Variants in BEND4 observed in about 807,000 individuals in gnomAD.
BEND4 encodes the protein BEN domain containing 4, also known as BEN domain-containing protein 4.
Under a neutral mutation model 54.7 loss-of-function variants are expected in BEND4, and 27 were observed. The ratio of observed to expected loss-of-function variants is 0.49; its 90% CI spans 0.36 to 0.68. The LOEUF (loss-of-function observed/expected upper bound fraction) is 0.68, where lower values mean the gene tolerates loss of function less well. Among genes scored for constraint, BEND4 ranks in the 30% least tolerant of loss-of-function variants. The pLI is 0.00. For synonymous variants in BEND4, 327 were observed against 299.5 expected, an observed-to-expected ratio of 1.09 and a Z score of -0.95; for missense variants, 702 against 697.2, an observed-to-expected ratio of 1.01 and a Z score of -0.08.
intron 4 of BEND4, among the ~76,000 whole-genome samples, chr4:42,124,463 T>G (rs1410165426): frequency 6.6e-6 from 1 of 152,084 alleles, no homozygotes; most frequent in Non-Finnish European, 1.5e-5. Context: ...GAAAAACTCA[T>G]GAAGGCGTCA....
intron 4 of BEND4, among the ~76,000 whole-genome samples, 185 bp downstream of exon 4, chr4:42,125,398 G>T (rs1560576670): frequency 6.6e-6 from 1 of 152,174 alleles, no homozygotes; most frequent in African/African-American, 2.4e-5. Flanking sequence ...ACATGCAGCT[G>T]AATCTCTGTA....
At position 42,117,508 on chromosome 4, in the gene BEND4, A is replaced by C. The variant is rs766943011; in HGVS notation, c.*10T>G. ...GAGGACCAGCTGCTACAACAGGAAGATTCTGTCCACTAATCCCCAGATCCA... is the reference window on the plus strand; with the variant it reads ...GAGGACCAGCTGCTACAACAGGAAGCTTCTGTCCACTAATCCCCAGATCCA... On this transcript the variant is annotated 3_prime_UTR_variant, in exon 6 of 6. Coordinates refer to ENST00000502486, the MANE Select transcript of BEND4 (RefSeq NM_207406.4). The C allele has an allele frequency of 1.0e-5, 16 of 1,591,146 alleles. No individual in the cohort carries two copies. In the African/African-American group the frequency reaches 1.6e-4, roughly 16 times the overall value.
At chr4:42,141,387 A>G (rs957026444) in intron 3 of BEND4, among the ~76,000 whole-genome samples, 1 of 152,228 alleles carries the variant, frequency 6.6e-6, no homozygotes, top group African/African-American at 2.4e-5. Context: ...CCTTCTTTCT[A>G]GATCAGCTGC....
chr4:42,152,292 G>GCCC lies in BEND4; in HGVS notation c.-150_-149insGGG. 2.7e-6 allele frequency: 2 copies of GCCC among 754,688 alleles called. No individual in the cohort carries two copies. Among genetic ancestry groups the GCCC allele is most frequent in the Non-Finnish European group, 3.6e-6 (2 of 560,704 alleles). 46.7% of individuals were successfully genotyped at this position (754,688 alleles called of 1,614,324 possible). A position where few individuals can be genotyped will look rare whatever the true frequency, so the allele number is the denominator to read the frequency against. On this transcript the variant is annotated 5_prime_UTR_variant, in exon 2 of 6. Transcript: ENST00000502486. Reference sequence around the variant, plus strand: ...CTGTGCCGTGGCCGCCGCCGCCGCCGCCTGTCGCTGAGGCTGGCATCGCCG... The same window carrying GCCC: ...CTGTGCCGTGGCCGCCGCCGCCGCCGCCCCCTGTCGCTGAGGCTGGCATCGCCG...
chr4:42,124,167 C>T (rs559845144), intron 4 of BEND4, among the ~76,000 whole-genome samples: 16 of 152,252 alleles, frequency 1.1e-4, no homozygotes, highest in African/African-American at 3.6e-4. Flanking sequence ...CCAGCCTGGG[C>T]AACATAGTGA....
In BEND4 at chr4:42,120,147, A is replaced by G. The variant is rs1720000920; in HGVS notation, c.1294T>C (p.Cys432Arg). ...GACCTTTTCCTTTTCCCAAGGCCGC[A>G]TGAGTACTTAAGCTCATCGGTTGTG... Reference protein sequence around the residue: ...VFTTDELKYSCGLGKRKRSVQ... With the variant: ...VFTTDELKYSRGLGKRKRSVQ... Residue 432 changes from cysteine to arginine, a missense_variant, in exon 5 of 6, where the codon TGC becomes CGC. Coordinates refer to ENST00000502486, the MANE Select transcript of BEND4 (RefSeq NM_207406.4). 6.2e-7 allele frequency: 1 copy of G among 1,613,992 alleles called. No individual in the cohort carries two copies. Among genetic ancestry groups the G allele is most frequent in the South Asian group, 1.1e-5 (1 of 91,082 alleles).
intron 3 of BEND4, among the ~76,000 whole-genome samples, chr4:42,135,724 G>A (rs1028063919): frequency 2.0e-5 from 3 of 152,142 alleles, no homozygotes; most frequent in East Asian, 1.9e-4. Context: ...GCAGTGAGCC[G>A]AGATTGTGCC....
At position 42,111,680 on chromosome 4, in the gene BEND4, ACT is replaced by A. The variant is rs1460905579; in HGVS notation, c.*5836_*5837del. The A allele has an allele frequency of 6.6e-6, 1 of 152,132 alleles. No homozygotes were observed. The highest frequency in any genetic ancestry group is 2.4e-5 in the African/African-American group (1 of 41,432). The allele number at this position is 152,132 out of a possible 1,614,324, so 9.4% of individuals were successfully genotyped here. A position where few individuals can be genotyped will look rare whatever the true frequency, so the allele number is the denominator to read the frequency against. The stretch of plus-strand genomic sequence containing the variant: ...TCTCACAGTGACATCATAAATTAAA[ACT>A]CTCTCTTCCAAACCAATCAGACTCA... On this transcript the variant is annotated 3_prime_UTR_variant, in exon 6 of 6. Coordinates refer to ENST00000502486, the MANE Select transcript of BEND4 (RefSeq NM_207406.4).
At chr4:42,140,940 G>A (rs964283044) in intron 3 of BEND4, among the ~76,000 whole-genome samples, 24 of 152,194 alleles carry the variant, frequency 1.6e-4, no homozygotes, top group Non-Finnish European at 1.0e-4. Context: ...GCTAAAGAGG[G>A]CAGTGGGGGT....
chr4:42,149,980 G>T (rs543860090), intron 2 of BEND4, among the ~76,000 whole-genome samples: 1 of 152,254 alleles, frequency 6.6e-6, no homozygotes, highest in Non-Finnish European at 1.5e-5. Flanking sequence ...GACCTGGGCA[G>T]ATAGAGGGGA....
intron 3 of BEND4, among the ~76,000 whole-genome samples, chr4:42,135,499 G>A (rs1027680101): frequency 9.2e-5 from 14 of 152,220 alleles, no homozygotes; most frequent in East Asian, 1.9e-4. Flanking sequence ...ATGGCTGGGC[G>A]CAGTGGCTCA....
intron 3 of BEND4, among the ~76,000 whole-genome samples, chr4:42,135,919 A>T (rs898029394): frequency 6.6e-6 from 1 of 152,202 alleles, no homozygotes; most frequent in Non-Finnish European, 1.5e-5. Flanking sequence ...AGAGATTCAA[A>T]CACGGCTTTG....
chr4:42,123,097 A>C (rs1284628612), intron 4 of BEND4, among the ~76,000 whole-genome samples: 1 of 152,234 alleles, frequency 6.6e-6, no homozygotes, highest in Non-Finnish European at 1.5e-5. Flanking sequence ...TCATCAAGAA[A>C]AAGGGAAAGA....
At position 42,143,412 on chromosome 4, in the gene BEND4, G is replaced by A. The variant is rs779113402; in HGVS notation, c.1054+16C>T. On this transcript the variant is annotated intron_variant, in intron 3 of 5. Transcript: ENST00000502486. ...AGAAGGGTTGCAGTTGTCTTGCAAGGAATATGGCAGGATACCTGGGATGCT... is the reference window on the plus strand; with the variant it reads ...AGAAGGGTTGCAGTTGTCTTGCAAGAAATATGGCAGGATACCTGGGATGCT... 8 of 1,545,266 alleles carry A rather than the reference G, an allele frequency of 5.2e-6. No homozygotes were observed. In the South Asian group the frequency reaches 9.5e-5, roughly 18 times the overall value.
At chr4:42,124,185 TCTCTATAAAAA>T (rs1029012000) in intron 4 of BEND4, among the ~76,000 whole-genome samples, 33 of 152,080 alleles carry the variant, frequency 2.2e-4, no homozygotes, top group Non-Finnish European at 3.4e-4. Flanking sequence ...TGACACCCCA[TCTCTATAAAAA>T]CTAAAAGTTA....
chr4:42,128,206 A>G (rs1048138917), intron 3 of BEND4, among the ~76,000 whole-genome samples: 1 of 152,228 alleles, frequency 6.6e-6, no homozygotes, highest in Non-Finnish European at 1.5e-5. Context: ...TTTTTATAAT[A>G]AGAGTCATTC....
rs76717413 is a variant in BEND4 at position 42,139,697 on chromosome 4, C to T, written c.1054+3731G>A. Reference sequence around the variant, plus strand: ...AGTAGCTGACCCATCTCCTTTTCAACCTTATTTTCTGTGCTAACTGCTGAG... The same window carrying T: ...AGTAGCTGACCCATCTCCTTTTCAATCTTATTTTCTGTGCTAACTGCTGAG... On this transcript the variant is annotated intron_variant, in intron 3 of 5. Coordinates refer to ENST00000502486, the MANE Select transcript of BEND4 (RefSeq NM_207406.4). 4.5e-3 allele frequency among the ~76,000 whole-genome samples: 679 copies of T among 152,270 alleles called. 5 individuals are homozygous for T. The highest frequency in any genetic ancestry group is 7.3e-3 in the Non-Finnish European group (499 of 68,026).
At chr4:42,119,973 G>C (rs1402312837) in intron 5 of BEND4, 81 bp downstream of exon 5, 1 of 1,550,624 alleles carries the variant, frequency 6.4e-7, no homozygotes, top group Non-Finnish European at 8.9e-7. Context: ...ACAGAAGGCT[G>C]AACACTTGTA....
rs924318242 is a variant in BEND4, at chr4:42,138,065, C to T, written c.1054+5363G>A. On this transcript the variant is annotated intron_variant, in intron 3 of 5. Transcript: ENST00000502486. ...TTCCTAGAAAATTAAAAATATGACCCAGCAAAACTTCTCCTGGACATATAC... is the reference window on the plus strand; with the variant it reads ...TTCCTAGAAAATTAAAAATATGACCTAGCAAAACTTCTCCTGGACATATAC... 5.9e-5 allele frequency among the ~76,000 whole-genome samples: 9 copies of T among 152,112 alleles called. 1 individual carries two copies. Among genetic ancestry groups the T allele is most frequent in the Admixed American group, 5.9e-4 (9 of 15,284 alleles).
Sources: gnomAD v4.1 joint callset for allele counts (sites outside exome capture counted in the v4.1 genomes callset) on GRCh38, gnomAD v4.1.1 for gene constraint, MANE v1.5 for transcripts, NCBI Gene and HGNC (gene_info 2026-07-23, HGNC 2026-07-21) for gene names.